ATP2A1: variants seen among roughly 807,000 people sequenced by gnomAD.
ATP2A1 encodes the protein ATPase sarcoplasmic/endoplasmic reticulum Ca2+ transporting 1.
In ATP2A1, 83 loss-of-function variants were observed where a neutral mutation model predicts 109.5. The observed-to-expected ratio is 0.76, with a 90% CI of 0.63 to 0.91. The LOEUF is 0.91. ATP2A1 is among the 40% of genes least tolerant of loss of function. ATP2A1 has a pLI of 0.00. For synonymous variants in ATP2A1, 505 were observed against 537.6 expected (o/e 0.94, Z 0.84); for missense variants, 1,101 against 1,341.0 (o/e 0.82, Z 2.80).
rs1386337393 is a variant in ATP2A1 at position 28,900,627 on chromosome 16, G to A, written c.1811G>A (p.Arg604His). 6.3e-6 allele frequency: 10 copies of A among 1,595,534 alleles called. No homozygotes were observed. The highest frequency in any genetic ancestry group is 3.4e-5 in the South Asian group (3 of 88,284). ...VGVVGMLDPP[R>H]KEVTGSIQLC... The stretch of plus-strand genomic sequence containing the variant: ...GTAGTGGGCATGCTGGACCCTCCGC[G>A]CAAGGAGGTCACGGGCTCCATCCAG... Residue 604 changes from arginine to histidine, a missense_variant, in exon 15 of 23, where the codon CGC becomes CAC. Physicochemically the swap from Arg to His is conservative, Grantham distance 29. Transcript: ENST00000395503.
At chr16:28,879,470 C>T in intron 2 of ATP2A1, 31 bp from the exon 3 acceptor site, 4 of 1,605,218 alleles carry the variant, frequency 2.5e-6, no homozygotes, top group Non-Finnish European at 3.4e-6. Context: ...TAGACCTTAA[C>T]CCGGGGCCCT....
chr16:28,881,275 G>A (rs879553323), intron 4 of ATP2A1, among the ~76,000 whole-genome samples: 9 of 152,284 alleles, frequency 5.9e-5, no homozygotes, highest in Admixed American at 1.3e-4. Context: ...AATGGGGCTA[G>A]CAATCCAGTG....
At chr16:28,889,515 C>A (rs1402442119) in intron 9 of ATP2A1, among the ~76,000 whole-genome samples, 1 of 152,192 alleles carries the variant, frequency 6.6e-6, no homozygotes, top group East Asian at 1.9e-4. Flanking sequence ...CTGTTCGCTT[C>A]CCAAAGTGCT....
At chr16:28,887,361 G>C in intron 7 of ATP2A1, 64 bp from the exon 8 acceptor site, 1 of 1,612,182 alleles carries the variant, frequency 6.2e-7, no homozygotes, top group Non-Finnish European at 8.5e-7. Flanking sequence ...AAGAGATGGC[G>C]TGGGGAGATG....
rs767895775 is a variant in ATP2A1 at position 28,894,905 on chromosome 16, G to A, written c.1371G>A (p.Thr457=). The A allele has an allele frequency of 5.6e-6, 9 of 1,612,522 alleles. No homozygotes were observed. The highest frequency in any genetic ancestry group is 3.3e-5 in the South Asian group (3 of 91,074). Reference sequence around the variant, plus strand: ...TGGAGAAGATGAATGTGTTCAACACGGATGTGAGAAGCCTCTCGAAGGTGG... The same window carrying A: ...TGGAGAAGATGAATGTGTTCAACACAGATGTGAGAAGCCTCTCGAAGGTGG... ...TLVEKMNVFN[T]DVRSLSKVER... The change falls in exon 12 of 23, where the codon ACG becomes ACA. Residue 457 remains threonine (T), a synonymous_variant. Transcript: ENST00000395503.
Position 28,898,322 on chromosome 16 carries a change from C to A in ATP2A1, c.1635C>A (p.Ile545=). 2 of 1,614,222 alleles carry A rather than the reference C, an allele frequency of 1.2e-6. No homozygotes were observed. The highest frequency in any genetic ancestry group is 2.2e-5 in the East Asian group (1 of 44,890). ...TGACGGGGCCGGTGAAGGAAAAGAT[C>A]ATGGCGGTGATCAAGGAGTGGGGCA... The part of the protein sequence containing the change: ...VPLTGPVKEK[I]MAVIKEWGTG... The change falls in exon 14 of 23, where the codon ATC becomes ATA. Residue 545 remains isoleucine (I), a synonymous_variant. Coordinates refer to ENST00000395503, the MANE Select transcript of ATP2A1 (RefSeq NM_004320.6). This position sits in a 1 kb window ranked among gnomAD's most constrained non-coding sequence, Gnocchi z 4.0.
In ATP2A1 at chr16:28,894,178, T is replaced by C. The variant is rs201808866; in HGVS notation, c.1119T>C (p.Asp373=). The C allele has an allele frequency of 6.2e-7, 1 of 1,613,998 alleles. No individual in the cohort carries two copies. Among genetic ancestry groups the C allele is most frequent in the East Asian group, 2.2e-5 (1 of 44,868 alleles). ...AGATGTTTATCATTGACAAGGTGGA[T>C]GGGGACATCTGCCTCCTGAATGAGT... is the stretch of plus-strand genomic sequence containing the variant. ...VCKMFIIDKV[D]GDICLLNEFS... The change falls in exon 10 of 23, where the codon GAT becomes GAC. Residue 373 remains aspartate, a synonymous_variant. Transcript: ENST00000395503.
chr16:28,880,808 G>A lies in ATP2A1; in HGVS notation c.220-107G>A. 8.9e-7 allele frequency: 1 copy of A among 1,122,330 alleles called. No individual in the cohort carries two copies. 69.5% of individuals were successfully genotyped at this position (1,122,330 alleles called of 1,614,324 possible). On this transcript the variant is annotated intron_variant, in intron 3 of 22. Coordinates refer to ENST00000395503, the MANE Select transcript of ATP2A1 (RefSeq NM_004320.6). The surrounding 1 kb of genome is among the most constrained non-coding windows in gnomAD (Gnocchi z 4.2). ...CCGACGGTGCCCGGCCCTCCTGCTG[G>A]CTCCTGCACTCTCCTGCACAGTTCT...
chr16:28,888,986 G>A (rs764946764), intron 9 of ATP2A1, 33 bp downstream of exon 9: 6 of 1,613,090 alleles, frequency 3.7e-6, no homozygotes, highest in Non-Finnish European at 5.1e-6. Context: ...CGCTCAGTCA[G>A]AAGGCTGCCT....
At position 28,894,173 on chromosome 16, in the gene ATP2A1, G is replaced by T; in HGVS notation, c.1114G>T (p.Val372Leu). 3 of 1,613,966 alleles carry T rather than the reference G, an allele frequency of 1.9e-6. No homozygotes were observed. Among genetic ancestry groups the T allele is most frequent in the Non-Finnish European group, 2.5e-6 (3 of 1,179,972 alleles). Residue 372 changes from valine to leucine, a missense_variant, in exon 10 of 23, where the codon GTG (valine) becomes TTG (leucine). Physicochemically the swap from Val to Leu is conservative, Grantham distance 32. Transcript: ENST00000395503. Reference sequence around the variant, plus strand: ...CCTGCAGATGTTTATCATTGACAAGGTGGATGGGGACATCTGCCTCCTGAA... The same window carrying T: ...CCTGCAGATGTTTATCATTGACAAGTTGGATGGGGACATCTGCCTCCTGAA... ...SVCKMFIIDK[V>L]DGDICLLNEF...
intron 9 of ATP2A1, among the ~76,000 whole-genome samples, chr16:28,889,925 C>A (rs186690522): frequency 6.6e-6 from 1 of 152,080 alleles, no homozygotes; most frequent in African/African-American, 2.4e-5. Flanking sequence ...AGGCAGATCA[C>A]GAGGTCAGGA....
Position 28,894,959 on chromosome 16 carries a change from C to A in ATP2A1, c.1419+6C>A. 1 of 1,610,474 alleles carries A rather than the reference C, an allele frequency of 6.2e-7. No individual in the cohort carries two copies. Among genetic ancestry groups the A allele is most frequent in the East Asian group, 2.2e-5 (1 of 44,876 alleles). On this transcript the variant is annotated splice_donor_region_variant and intron_variant, in intron 12 of 22. Transcript: ENST00000395503. The stretch of plus-strand genomic sequence containing the variant: ...GAGCCAACGCCTGCAACTCGGTGAG[C>A]CTGCGGAGCCCCTGCCACAGGGCCG...
In ATP2A1 at chr16:28,883,029, G is replaced by A. The variant is rs914907889; in HGVS notation, c.463+440G>A. 1.3e-5 allele frequency among the ~76,000 whole-genome samples: 2 copies of A among 152,192 alleles called. No homozygotes were observed. The highest frequency in any genetic ancestry group is 1.3e-4 in the Admixed American group (2 of 15,290). ...GAGGGCAGAAGGGAGGAGGGAGGCC[G>A]AAGGCTCGAGCCCCCGACCATGTAA... is the stretch of plus-strand genomic sequence containing the variant. On this transcript the variant is annotated intron_variant, in intron 5 of 22. Coordinates refer to ENST00000395503, the MANE Select transcript of ATP2A1 (RefSeq NM_004320.6). The surrounding 1 kb of genome is among the most constrained non-coding windows in gnomAD (Gnocchi z 5.2).
At chr16:28,893,851 T>C (rs901805441) in intron 9 of ATP2A1, among the ~76,000 whole-genome samples, 1 of 152,012 alleles carries the variant, frequency 6.6e-6, no homozygotes, top group Non-Finnish European at 1.5e-5. Context: ...TTTCATCATG[T>C]TGGCCAGGAT....
chr16:28,879,153 C>A (rs753059788), intron 2 of ATP2A1, 37 bp downstream of exon 2: 12 of 1,611,408 alleles, frequency 7.4e-6, no homozygotes, highest in Non-Finnish European at 1.0e-5. Context: ...CATAAATGAC[C>A]ACCCCCCACC....
chr16:28,903,939 C>A lies in ATP2A1; in HGVS notation c.*37+198C>A. 1 of 732,042 alleles carries A rather than the reference C, an allele frequency of 1.4e-6. No individual in the cohort carries two copies. Among genetic ancestry groups the A allele is most frequent in the Non-Finnish European group, 2.4e-6 (1 of 418,836 alleles). 45.3% of individuals were successfully genotyped at this position (732,042 alleles called of 1,614,324 possible). On this transcript the variant is annotated intron_variant, in intron 22 of 22. Transcript: ENST00000395503. The surrounding 1 kb of genome is among the most constrained non-coding windows in gnomAD (Gnocchi z 5.6). ...GTCAGTTTGGCTCCCAGGCCCTGGG[C>A]AGTGCCAGCCTCTGGGCCCGTCTGC...
rs1045719590 is a variant in ATP2A1, at chr16:28,879,293, C to T, written c.136+177C>T. ...GCAGAAGTCTCCCAGGCGCTTTCTCCTTGAAGCAGCCAACCCTTGAACTGC... is the reference window on the plus strand; with the variant it reads ...GCAGAAGTCTCCCAGGCGCTTTCTCTTTGAAGCAGCCAACCCTTGAACTGC... On this transcript the variant is annotated intron_variant, in intron 2 of 22. Transcript: ENST00000395503. The T allele has an allele frequency of 1.9e-5, 18 of 923,264 alleles. 1 individual carries two copies. In the African/African-American group the frequency reaches 2.3e-4, roughly 12 times the overall value. 57.2% of individuals were successfully genotyped at this position (923,264 alleles called of 1,614,324 possible). A position where few individuals can be genotyped will look rare whatever the true frequency, so the allele number is the denominator to read the frequency against.
chr16:28,879,290 C>A, intron 2 of ATP2A1, 174 bp downstream of exon 2: 1 of 938,360 alleles, frequency 1.1e-6, no homozygotes, highest in Non-Finnish European at 1.7e-6. Context: ...CAGGCGCTTT[C>A]TCCTTGAAGC....
Position 28,881,016 on chromosome 16 carries a change from G to T in ATP2A1, c.321G>T (p.Trp107Cys). The T allele has an allele frequency of 1.9e-6, 3 of 1,613,972 alleles. No homozygotes were observed. Among genetic ancestry groups the T allele is most frequent in the Non-Finnish European group, 2.5e-6 (3 of 1,179,874 alleles). Residue 107 changes from tryptophan to cysteine, a missense_variant, in exon 4 of 23, where the codon TGG becomes TGT. By Grantham distance (215) the Trp-to-Cys change is radical. Transcript: ENST00000395503. The stretch of plus-strand genomic sequence containing the variant: ...TTGCCAATGCCATCGTGGGGGTTTG[G>T]CAGGTTAGCGTTGACCCTTCCTTAC... ...ILIANAIVGV[W>C]QERNAENAIE... is the part of the protein sequence containing the mutation.
Sources: gnomAD v4.1 joint callset for allele counts (sites outside exome capture counted in the v4.1 genomes callset) on GRCh38, gnomAD v4.1.1 for gene constraint, Gnocchi (gnomAD v3.1) non-coding constraint, MANE v1.5 for transcripts, NCBI Gene and HGNC (gene_info 2026-07-23, HGNC 2026-07-21) for gene names.